Variants in USP24 observed in about 807,000 individuals in gnomAD.
The protein encoded by USP24 is ubiquitin specific peptidase 24, also known as ubiquitin carboxyl-terminal hydrolase 24.
Under a neutral mutation model 361.6 loss-of-function variants are expected in USP24, and 97 were observed. That is an observed-to-expected ratio of 0.27 (90% CI 0.23 to 0.32). The LOEUF (loss-of-function observed/expected upper bound fraction) is 0.32, where lower values mean the gene tolerates loss of function less well. USP24 is among the 10% of genes least tolerant of loss of function. The probability of loss-of-function intolerance (pLI) is 1.00; values close to 1 mark genes in which losing one functional copy is unlikely to be tolerated. For synonymous variants in USP24, 1,098 were observed against 1,124.6 expected (o/e 0.98, Z 0.47); for missense variants, 2,353 against 3,165.6 (o/e 0.74, Z 6.16).
At chr1:55,198,688 T>C (rs1256214990) in intron 1 of USP24, among the ~76,000 whole-genome samples, 1 of 152,152 alleles carries the variant, frequency 6.6e-6, no homozygotes, top group African/African-American at 2.4e-5. Context: ...ATACCTCAGT[T>C]TCATCTATAA....
Position 55,076,130 on chromosome 1 carries a change from T to C in USP24, c.7381-607A>G, listed in dbSNP as rs140335820. On this transcript the variant is annotated intron_variant, in intron 62 of 67. Coordinates refer to ENST00000294383, the MANE Select transcript of USP24 (RefSeq NM_015306.3). ...GCTATCAACTAGATCTATAGTTCTC[T>C]GTGGGTTATGAGGACATATACTTTA... 3.3e-4 allele frequency among the ~76,000 whole-genome samples: 50 copies of C among 152,376 alleles called. No individual in the cohort carries two copies. The East Asian group carries it at 8.1e-3, about 25-fold the overall frequency.
Position 55,215,044 on chromosome 1 carries a change from G to A in USP24, c.70C>T (p.Arg24Cys), listed in dbSNP as rs569805460. 8 of 1,470,000 alleles carry A rather than the reference G, an allele frequency of 5.4e-6. No individual in the cohort carries two copies. The highest frequency in any genetic ancestry group is 2.1e-5 in the Admixed American group (1 of 46,884). 91.1% of individuals were successfully genotyped at this position (1,470,000 alleles called of 1,614,324 possible). ...TTCTTGGCCAGGCGCAGGGCCTTGC[G>A]GATGGTGGCGGGGTCTGAGAAGCCC... ...CMGFSDPATI[R>C]KALRLAKNDI... The change falls in exon 1 of 68, where the codon CGC (arginine) becomes TGC (cysteine). Residue 24 changes from arginine (R) to cysteine (C), a missense_variant. Arg to Cys is a radical substitution (Grantham distance 180). Coordinates refer to ENST00000294383, the MANE Select transcript of USP24 (RefSeq NM_015306.3).
intron 52 of USP24, 110 bp from the exon 53 acceptor site, chr1:55,093,026 G>T: frequency 1.5e-6 from 1 of 654,140 alleles, no homozygotes; most frequent in Non-Finnish European, 2.4e-6. Flanking sequence ...TATAAAAAGT[G>T]AATTATAATT....
At chr1:55,097,269 GT>G (rs1367151388) in intron 48 of USP24, 97 bp from the exon 49 acceptor site, 9 of 1,361,456 alleles carry the variant, frequency 6.6e-6, no homozygotes, top group Admixed American at 2.3e-5. Context: ...TGTTTTCCTA[GT>G]TTAAGCTAGG....
At chr1:55,183,098 C>T (rs1030065724) in intron 1 of USP24, among the ~76,000 whole-genome samples, 7 of 152,134 alleles carry the variant, frequency 4.6e-5, no homozygotes, top group Non-Finnish European at 8.8e-5. Context: ...TAGACAAATA[C>T]GACAACCAAA....
intron 50 of USP24, among the ~76,000 whole-genome samples, chr1:55,095,702 G>A (rs1316582195): frequency 6.6e-6 from 1 of 152,260 alleles, no homozygotes; most frequent in Non-Finnish European, 1.5e-5. Flanking sequence ...CTAAATGTAA[G>A]CAAATAGCAA....
intron 1 of USP24, among the ~76,000 whole-genome samples, chr1:55,198,880 G>A (rs979137407): frequency 5.3e-5 from 8 of 151,872 alleles, no homozygotes; most frequent in African/African-American, 1.9e-4. Flanking sequence ...AATATCCTTG[G>A]GTATTTAAAA....
At chr1:55,202,092 G>T (rs1466737127) in intron 1 of USP24, among the ~76,000 whole-genome samples, 2 of 152,108 alleles carry the variant, frequency 1.3e-5, no homozygotes, top group African/African-American at 4.8e-5. Context: ...TTTTAAAACT[G>T]ATCTCCTTTT....
intron 24 of USP24, among the ~76,000 whole-genome samples, chr1:55,139,495 G>A (rs1343376498): frequency 6.6e-6 from 1 of 152,150 alleles, no homozygotes; most frequent in Non-Finnish European, 1.5e-5. Context: ...AATGAGATCT[G>A]AGGTCTCTTT....
At chr1:55,141,275 T>C (rs1288153749) in intron 24 of USP24, among the ~76,000 whole-genome samples, 1 of 152,204 alleles carries the variant, frequency 6.6e-6, no homozygotes, top group Non-Finnish European at 1.5e-5. Flanking sequence ...ATACAATGTA[T>C]GTGTATTGCA....
chr1:55,212,171 T>TATTA (rs1206745018), intron 1 of USP24, among the ~76,000 whole-genome samples: 1 of 152,208 alleles, frequency 6.6e-6, no homozygotes, highest in Non-Finnish European at 1.5e-5. Context: ...CTGCACTAAT[T>TATTA]ATTAATTTCT....
chr1:55,209,938 T>G (rs1210674078), intron 1 of USP24, among the ~76,000 whole-genome samples: 1 of 152,224 alleles, frequency 6.6e-6, no homozygotes, highest in Admixed American at 6.5e-5. Flanking sequence ...ATAAAAATAC[T>G]TAAGTATATG....
rs1646668908 is a variant in USP24, at chr1:55,134,142, C to T, written c.3309G>A (p.Lys1103=). 6.2e-7 allele frequency: 1 copy of T among 1,613,656 alleles called. No homozygotes were observed. Among genetic ancestry groups the T allele is most frequent in the Admixed American group, 1.7e-5 (1 of 59,928 alleles). ...EEPRITLRVR[K]LLLLIPTDPA... ...GATCAGTGGGTATCAAGAGCAGAAG[C>T]TTCCGTACTCGTAGAGTTATCCTGA... The change falls in exon 30 of 68, where the codon AAG becomes AAA. Residue 1103 remains lysine (K), a synonymous_variant. Transcript: ENST00000294383.
intron 1 of USP24, among the ~76,000 whole-genome samples, chr1:55,201,357 C>G (rs1329833768): frequency 4.0e-5 from 6 of 151,628 alleles, no homozygotes; most frequent in Non-Finnish European, 7.4e-5. Flanking sequence ...TGTAATCGCA[C>G]TTTGGGAGGC....
intron 1 of USP24, among the ~76,000 whole-genome samples, chr1:55,184,620 AGT>A (rs1338301161): frequency 6.6e-6 from 1 of 152,242 alleles, no homozygotes; most frequent in Non-Finnish European, 1.5e-5. Context: ...ACCCAATTAC[AGT>A]AAAATACAGA....
intron 1 of USP24, among the ~76,000 whole-genome samples, chr1:55,195,057 A>G (rs1360512464): frequency 6.6e-6 from 1 of 152,144 alleles, no homozygotes; most frequent in African/African-American, 2.4e-5. Context: ...ACCCCAACCC[A>G]AACCAAAAAA....
At position 55,081,328 on chromosome 1, in the gene USP24, T is replaced by C; in HGVS notation, c.7072A>G (p.Asn2358Asp). ...VLHSDVSSQR[N>D]VAPGIFKQRP... ...TAAGATATGTTAAGCTTACCAACAT[T>C]CCTTTGGGATGAGACATCTGAATGC... The change falls in exon 59 of 68, where the codon AAT becomes GAT. Residue 2358 changes from asparagine to aspartate, a missense_variant. Asn to Asp is a conservative substitution (Grantham distance 23, BLOSUM62 1). Transcript: ENST00000294383. 1 of 1,613,492 alleles carries C rather than the reference T, an allele frequency of 6.2e-7. No individual in the cohort carries two copies.
At position 55,137,887 on chromosome 1, in the gene USP24, G is replaced by A. The variant is rs1365406031; in HGVS notation, c.2946C>T (p.Thr982=). The change falls in exon 27 of 68, where the codon ACC becomes ACT. Residue 982 remains threonine (T), a synonymous_variant. Transcript: ENST00000294383. ...TFTVEAHSNE[T]IGSVRWKIAK... Reference sequence around the variant, plus strand: ...CTATTTTCCACCGGACACTCCCTATGGTTTCATTACTGTGAGCCTGTAAAA... The same window carrying A: ...CTATTTTCCACCGGACACTCCCTATAGTTTCATTACTGTGAGCCTGTAAAA... 1.3e-6 allele frequency: 2 copies of A among 1,590,876 alleles called. No individual in the cohort carries two copies. The highest frequency in any genetic ancestry group is 1.7e-6 in the Non-Finnish European group (2 of 1,167,480).
chr1:55,095,626 G>C (rs1341449432), intron 50 of USP24, among the ~76,000 whole-genome samples: 1 of 152,100 alleles, frequency 6.6e-6, no homozygotes, highest in African/African-American at 2.4e-5. Context: ...ATATAGGTGG[G>C]GACAAGGAAT....
Sources: gnomAD v4.1 joint callset for allele counts (sites outside exome capture counted in the v4.1 genomes callset) on GRCh38, gnomAD v4.1.1 for gene constraint, MANE v1.5 for transcripts, NCBI Gene and HGNC (gene_info 2026-07-23, HGNC 2026-07-21) for gene names.